Variants in URB1 observed in about 807,000 individuals in gnomAD.
URB1 encodes the protein nucleolar pre-ribosomal-associated protein 1.
URB1 carries 197 observed loss-of-function variants against 242.3 expected under a neutral mutation model. That is an observed-to-expected ratio of 0.81 (90% CI 0.72 to 0.91). URB1 has a LOEUF of 0.91. URB1 is among the 40% of genes least tolerant of loss of function. URB1 has a pLI of 0.00. For missense variants in URB1, 2,721 were observed against 2,860.5 expected (o/e 0.95, Z 1.11); for synonymous variants, 1,153 against 1,201.8 (o/e 0.96, Z 0.84).
intron 8 of URB1, among the ~76,000 whole-genome samples, chr21:32,372,272 G>C (rs2033414530): frequency 6.6e-6 from 1 of 152,192 alleles, no homozygotes; most frequent in Non-Finnish European, 1.5e-5. Context: ...CACCTCCCTG[G>C]GTGAAATATC....
At chr21:32,356,554 A>G (rs1282486122) in intron 15 of URB1, among the ~76,000 whole-genome samples, 1 of 152,188 alleles carries the variant, frequency 6.6e-6, no homozygotes, top group Non-Finnish European at 1.5e-5. Flanking sequence ...TTGACCCCTC[A>G]CAGCTACTCA....
intron 4 of URB1, 110 bp from the exon 5 acceptor site, chr21:32,378,651 C>A: frequency 2.4e-6 from 2 of 834,620 alleles, no homozygotes; most frequent in South Asian, 3.0e-5. Flanking sequence ...CACCAGCCCC[C>A]CAGCCTTGTC....
intron 22 of URB1, 46 bp from the exon 23 acceptor site, chr21:32,345,621 C>A: frequency 6.7e-7 from 1 of 1,488,450 alleles, no homozygotes; most frequent in Non-Finnish European, 9.0e-7. Flanking sequence ...CAATGGTGGG[C>A]TGCAGCCAGC....
chr21:32,347,893 T>C (rs2033111800), intron 21 of URB1, 82 bp from the exon 22 acceptor site: 2 of 1,451,504 alleles, frequency 1.4e-6, no homozygotes, highest in African/African-American at 1.4e-5. Context: ...AAGTATTCAC[T>C]GTTGTTAGCG....
At position 32,354,774 on chromosome 21, in the gene URB1, T is replaced by A. The variant is rs1056609372; in HGVS notation, c.2245+85A>T. The A allele has an allele frequency of 2.7e-6, 4 of 1,488,262 alleles. No homozygotes were observed. In the African/African-American group the frequency reaches 5.6e-5, roughly 21 times the overall value. 92.2% of individuals were successfully genotyped at this position (1,488,262 alleles called of 1,614,324 possible). A position where few individuals can be genotyped will look rare whatever the true frequency, so the allele number is the denominator to read the frequency against. On this transcript the variant is annotated intron_variant, in intron 17 of 38. Coordinates refer to ENST00000382751, the MANE Select transcript of URB1 (RefSeq NM_014825.3). ...GTGTGCACTTGGCCTAGGGCATTAG[T>A]GCAGTTCTTGTTCTCAATCTCTTAA...
rs1166683831 is a variant in URB1, at chr21:32,322,545, G to A, written c.5273C>T (p.Ser1758Leu). The A allele has an allele frequency of 1.9e-5, 30 of 1,552,144 alleles. No homozygotes were observed. In the Admixed American group the frequency reaches 5.3e-4, roughly 27 times the overall value. ...TTTGTCCATGTTCAAGTACTCATGC[G>A]ACAGCAGGAAGTTGCTGACCTTCAG... is the stretch of plus-strand genomic sequence containing the variant. ...MYLKVSNFLLSHEYLNMDKVP... is the reference protein window; with the variant it reads ...MYLKVSNFLLLHEYLNMDKVP... Residue 1758 changes from serine to leucine, a missense_variant, in exon 33 of 39, where the codon TCG becomes TTG. Ser to Leu is a moderately radical substitution (Grantham distance 145, BLOSUM62 -2). Coordinates refer to ENST00000382751, the MANE Select transcript of URB1 (RefSeq NM_014825.3).
In URB1 at chr21:32,368,541, A is replaced by G. The variant is rs940594566; in HGVS notation, c.1059T>C (p.Asp353=). The G allele has an allele frequency of 5.8e-6, 9 of 1,551,538 alleles. No individual in the cohort carries two copies. Among genetic ancestry groups the G allele is most frequent in the African/African-American group, 1.4e-5 (1 of 73,042 alleles). ...TTACCACAAGGTCAGCCACCAGATC[A>G]TCATCAGCTGCAGTTTTCAAACCCA... ...FLLGLKTAAD[D]DLVADLVVNI... is the part of the protein sequence containing the mutation. Residue 353 remains aspartate (D), a synonymous_variant, in exon 9 of 39, where the codon GAT becomes GAC. Transcript: ENST00000382751.
rs2032691221 is a variant in URB1, at chr21:32,316,640, T to C, written c.6460A>G (p.Ser2154Gly). 5.2e-6 allele frequency: 8 copies of C among 1,551,596 alleles called. No homozygotes were observed. The highest frequency in any genetic ancestry group is 7.0e-6 in the Non-Finnish European group (8 of 1,146,980). The change falls in exon 38 of 39, where the codon AGC becomes GGC. Residue 2154 changes from serine (S) to glycine (G), a missense_variant. Coordinates refer to ENST00000382751, the MANE Select transcript of URB1 (RefSeq NM_014825.3). Reference sequence around the variant, plus strand: ...AGCCCCTCAGCCCCACAGAGCCGGCTATACAGCCTGAATATGCTGCTCCTC... The same window carrying C: ...AGCCCCTCAGCCCCACAGAGCCGGCCATACAGCCTGAATATGCTGCTCCTC... ...AVRSSIFRLY[S>G]RLCGAEGLAG...
At chr21:32,326,649 G>A (rs1279545579) in intron 30 of URB1, among the ~76,000 whole-genome samples, 4 of 152,138 alleles carry the variant, frequency 2.6e-5, no homozygotes, top group Admixed American at 6.5e-5. Context: ...GTTCTCACAA[G>A]AGCTGGTTGT....
chr21:32,356,699 G>A (rs1033998716), intron 15 of URB1, among the ~76,000 whole-genome samples: 5 of 152,194 alleles, frequency 3.3e-5, no homozygotes, highest in Non-Finnish European at 4.4e-5. Flanking sequence ...CAGAAGTGAC[G>A]AAATGATTTC....
At chr21:32,338,075 C>T (rs1240731661) in intron 26 of URB1, among the ~76,000 whole-genome samples, 35 of 152,132 alleles carry the variant, frequency 2.3e-4, no homozygotes, top group Non-Finnish European at 3.7e-4. Context: ...CTGTCTTCGA[C>T]TTATTAATAG....
At chr21:32,360,544 T>A (rs561781696) in intron 13 of URB1, among the ~76,000 whole-genome samples, 1 of 152,326 alleles carries the variant, frequency 6.6e-6, no homozygotes, top group East Asian at 1.9e-4. Context: ...AACTTTACCA[T>A]CCAGGAAACA....
At chr21:32,320,770 A>C (rs2123543976) in intron 34 of URB1, 130 bp from the exon 35 acceptor site, 1 of 691,000 alleles carries the variant, frequency 1.4e-6, no homozygotes, top group Non-Finnish European at 2.5e-6. Flanking sequence ...TGCTTTGCTA[A>C]GTCCGTCAGA....
Position 32,352,760 on chromosome 21 carries a change from A to T in URB1, c.2563T>A (p.Phe855Ile), listed in dbSNP as rs923051410. The change falls in exon 19 of 39, where the codon TTT becomes ATT. Residue 855 changes from phenylalanine to isoleucine, a missense_variant. Phe to Ile is a conservative substitution (Grantham distance 21, BLOSUM62 0). Transcript: ENST00000382751. ...LVPCCQQLSR[F>I]NRYYSLWIPE... ...ATCCAGAGGCTGTAGTATCTGTTAAACCGTGAGAGCTGCTGGCAGCAAGGC... is the reference window on the plus strand; with the variant it reads ...ATCCAGAGGCTGTAGTATCTGTTAATCCGTGAGAGCTGCTGGCAGCAAGGC... 1 of 1,551,596 alleles carries T rather than the reference A, an allele frequency of 6.4e-7. No individual in the cohort carries two copies. Among genetic ancestry groups the T allele is most frequent in the Non-Finnish European group, 8.7e-7 (1 of 1,146,986 alleles).
At position 32,313,610 on chromosome 21, in the gene URB1, A is replaced by G. The variant is rs1002009450; in HGVS notation, c.*1308T>C. 2 of 152,234 alleles carry G rather than the reference A, an allele frequency of 1.3e-5. No homozygotes were observed. The highest frequency in any genetic ancestry group is 2.4e-5 in the African/African-American group (1 of 41,456). The allele number at this position is 152,234 out of a possible 1,614,324, so 9.4% of individuals were successfully genotyped here. On this transcript the variant is annotated 3_prime_UTR_variant, in exon 39 of 39. Transcript: ENST00000382751. Reference sequence around the variant, plus strand: ...CATGCTTTAGTTAAAACTTTAAGTCACCTAAAACAGAAACAATTCTAAAGA... The same window carrying G: ...CATGCTTTAGTTAAAACTTTAAGTCGCCTAAAACAGAAACAATTCTAAAGA...
rs115490615 is a variant in URB1, at chr21:32,362,989, G to T, written c.1509+167C>A. Among the ~76,000 whole-genome samples, 617 of 152,320 alleles carry T rather than the reference G, an allele frequency of 4.1e-3. 3 individuals carry two copies. The highest frequency in any genetic ancestry group is 0.014 in the African/African-American group (589 of 41,574). ...TCACTGCCTACAATCACAAGTGGCA[G>T]GTCTTCTCAGCTGACCCTCAGCACC... On this transcript the variant is annotated intron_variant, in intron 11 of 38. Transcript: ENST00000382751.
chr21:32,318,478 C>T (rs2032720714), intron 36 of URB1, among the ~76,000 whole-genome samples: 1 of 152,166 alleles, frequency 6.6e-6, no homozygotes, highest in Admixed American at 6.5e-5. Flanking sequence ...TCCGAAGATC[C>T]CTACATAGGA....
rs201921468 is a variant in URB1 at position 32,337,410 on chromosome 21, C to T, written c.4615G>A (p.Val1539Ile). ...LLGAYGATLSVLDQKILLLLR... is the reference protein window; with the variant it reads ...LLGAYGATLSILDQKILLLLR... ...CCAGCCCTCACACCCTCACCTAGGACGCTGAGAGTGGCGCCATAGGCCCCG... is the reference window on the plus strand; with the variant it reads ...CCAGCCCTCACACCCTCACCTAGGATGCTGAGAGTGGCGCCATAGGCCCCG... The change falls in exon 27 of 39, where the codon GTC (valine) becomes ATC (isoleucine). Residue 1539 changes from valine to isoleucine, a missense_variant. Val to Ile is a conservative substitution (Grantham distance 29, BLOSUM62 3). Transcript: ENST00000382751. 251 of 1,551,040 alleles carry T rather than the reference C, an allele frequency of 1.6e-4. No individual in the cohort carries two copies. The highest frequency in any genetic ancestry group is 1.8e-4 in the Admixed American group (9 of 50,952).
chr21:32,352,246 A>G (rs1375669350), intron 19 of URB1, among the ~76,000 whole-genome samples: 1 of 152,192 alleles, frequency 6.6e-6, no homozygotes, highest in Non-Finnish European at 1.5e-5. Flanking sequence ...GTCCCCAGCA[A>G]AAGAAAATAT....
Sources: allele counts gnomAD v4.1 joint callset (sites outside exome capture counted in the v4.1 genomes callset), GRCh38; gene constraint gnomAD v4.1.1; transcripts MANE v1.5; gene names NCBI Gene and HGNC (gene_info 2026-07-23, HGNC 2026-07-21).